The following SPTBN5 variants were observed in gnomAD, a reference collection of about 807,000 sequenced individuals.
SPTBN5 encodes spectrin beta, non-erythrocytic 5, also known as spectrin beta chain, non-erythrocytic 5.
SPTBN5 carries 513 observed loss-of-function variants against 477.6 expected under a neutral mutation model. The observed-to-expected ratio is 1.07, with a 90% CI of 1.00 to 1.16. The LOEUF (loss-of-function observed/expected upper bound fraction) is 1.16. Among genes scored for constraint, SPTBN5 ranks in the 50% most tolerant of loss-of-function variants. The probability of loss-of-function intolerance (pLI) is 0.00; values close to 1 mark genes in which losing one functional copy is unlikely to be tolerated. For missense variants in SPTBN5, 5,062 were observed against 4,731.8 expected (o/e 1.07, Z -2.05); for synonymous variants, 2,169 against 2,011.7 (o/e 1.08, Z -2.09).
chr15:41,893,017 G>A lies in SPTBN5; in HGVS notation c.261C>T (p.Gly87=). ...GCTCCAGCAGCCGCAGGAGGTGGAT[G>A]CCGTCAGCCAGCTCTGTGTACAGGT... ...IRNLYTELAD[G]IHLLRLLELI... is the part of the protein sequence containing the mutation. Residue 87 remains glycine (G), a synonymous_variant, in exon 3 of 68, where the codon GGC becomes GGT. Transcript: ENST00000320955. The A allele has an allele frequency of 1.2e-6, 2 of 1,611,244 alleles. No individual in the cohort carries two copies. The highest frequency in any genetic ancestry group is 1.7e-6 in the Non-Finnish European group (2 of 1,179,768).
rs199955809 is a variant in SPTBN5, at chr15:41,862,815, A to G, written c.7238T>C (p.Val2413Ala). 88 of 1,580,870 alleles carry G rather than the reference A, an allele frequency of 5.6e-5. No individual in the cohort carries two copies. In the African/African-American group the frequency reaches 1.1e-3, roughly 19 times the overall value. The change falls in exon 42 of 68, where the codon GTG becomes GCG. Residue 2413 changes from valine to alanine, a missense_variant. Physicochemically the swap from Val to Ala is moderately conservative, Grantham distance 64. Coordinates refer to ENST00000320955, the MANE Select transcript of SPTBN5 (RefSeq NM_016642.4). ...CTCCACCTGGGCCTGGATGGGGTGC[A>G]CTTCCCGCTCCAGCTCCTCGTGTTT... Reference protein sequence around the residue: ...LRKHEELEREVHPIQAQVESL... With the variant: ...LRKHEELEREAHPIQAQVESL...
chr15:41,884,785 C>T (rs534651054), intron 7 of SPTBN5, among the ~76,000 whole-genome samples: 1 of 152,184 alleles, frequency 6.6e-6, no homozygotes, highest in African/African-American at 2.4e-5. Flanking sequence ...GACCTCAGCT[C>T]CTGCCACTTG....
intron 56 of SPTBN5, 72 bp downstream of exon 56, chr15:41,854,710 G>T: frequency 3.0e-6 from 4 of 1,338,044 alleles, no homozygotes; most frequent in Non-Finnish European, 4.0e-6. Flanking sequence ...AAAGCCTGTG[G>T]TAAGGAGGGC....
In SPTBN5 at chr15:41,870,436, C is replaced by T. The variant is rs767544320; in HGVS notation, c.5562+10G>A. On this transcript the variant is annotated intron_variant, in intron 30 of 67. Transcript: ENST00000320955. ...GTGTATCCACTTCTAGCCACCCCTC[C>T]GGCTCACACCTGGACCTGGGTGAGG... 44 of 1,612,982 alleles carry T rather than the reference C, an allele frequency of 2.7e-5. No individual in the cohort carries two copies. Among genetic ancestry groups the T allele is most frequent in the African/African-American group, 2.5e-4 (19 of 74,878 alleles).
At chr15:41,849,046 G>A (rs534488217) in intron 67 of SPTBN5, among the ~76,000 whole-genome samples, 16 of 152,326 alleles carry the variant, frequency 1.1e-4, no homozygotes, top group Middle Eastern at 6.8e-3. Context: ...ACCCCTCATG[G>A]TATGAGCCCT....
chr15:41,868,429 G>A lies in SPTBN5; in HGVS notation c.6026C>T (p.Ala2009Val), dbSNP rs778016382. ...WQQATQLGQQ[A>V]LLAAGTPTKE... ...GGTGGGTGTCCCTGCAGCAAGAAGTGCCTGCTGCCCCAGCTGGGTGGCCTG... is the reference window on the plus strand; with the variant it reads ...GGTGGGTGTCCCTGCAGCAAGAAGTACCTGCTGCCCCAGCTGGGTGGCCTG... The change falls in exon 33 of 68, where the codon GCA becomes GTA. Residue 2009 changes from alanine (A) to valine (V), a missense_variant. Coordinates refer to ENST00000320955, the MANE Select transcript of SPTBN5 (RefSeq NM_016642.4). 5.0e-6 allele frequency: 8 copies of A among 1,606,002 alleles called. No homozygotes were observed. The highest frequency in any genetic ancestry group is 1.7e-5 in the Admixed American group (1 of 59,820).
At chr15:41,859,004 G>A in intron 47 of SPTBN5, 24 bp from the exon 48 acceptor site, 1 of 1,495,408 alleles carries the variant, frequency 6.7e-7, no homozygotes, top group Non-Finnish European at 8.9e-7. Flanking sequence ...AGGCTCATGG[G>A]CCTGGAGCCA....
At position 41,858,713 on chromosome 15, in the gene SPTBN5, G is replaced by A. The variant is rs778143163; in HGVS notation, c.8115C>T (p.Ala2705=). 3.7e-6 allele frequency: 6 copies of A among 1,609,928 alleles called. No individual in the cohort carries two copies. Among genetic ancestry groups the A allele is most frequent in the South Asian group, 1.1e-5 (1 of 90,106 alleles). The change falls in exon 49 of 68, where the codon GCC becomes GCT. Residue 2705 remains alanine (A), a synonymous_variant. Coordinates refer to ENST00000320955, the MANE Select transcript of SPTBN5 (RefSeq NM_016642.4). ...AAWLREKNLV[A]LEEGLLDTAM... Reference sequence around the variant, plus strand: ...CTGTGTCCAGCAAACCCTCCTCCAAGGCCACCAGGTTCTTCTCCCTCAGCC... The same window carrying A: ...CTGTGTCCAGCAAACCCTCCTCCAAAGCCACCAGGTTCTTCTCCCTCAGCC...
chr15:41,861,607 G>T, intron 45 of SPTBN5, 111 bp from the exon 46 acceptor site: 1 of 1,507,262 alleles, frequency 6.6e-7, no homozygotes, highest in Non-Finnish European at 9.1e-7. Flanking sequence ...GAAGGCAGGA[G>T]TGCTGAGTGG....
intron 13 of SPTBN5, among the ~76,000 whole-genome samples, chr15:41,880,706 G>A (rs904781251): frequency 2.4e-4 from 37 of 152,094 alleles, no homozygotes; most frequent in Admixed American, 2.4e-3. Flanking sequence ...CTGGGCCTTC[G>A]CTTCCTCCGC....
chr15:41,883,016 C>G lies in SPTBN5; in HGVS notation c.1872G>C (p.Leu624=), dbSNP rs1235724905. The change falls in exon 9 of 68, where the codon CTG becomes CTC. Residue 624 remains leucine, a synonymous_variant. Coordinates refer to ENST00000320955, the MANE Select transcript of SPTBN5 (RefSeq NM_016642.4). ...CTTACCGGGCCCTGACAAGAGCCAC[C>G]AGGCTCTGTTGGAGCTGGGCCAGTG... ...ARTLAQLQQS[L]VALVRARRAL... The G allele has an allele frequency of 1.9e-6, 3 of 1,548,438 alleles. No homozygotes were observed. The highest frequency in any genetic ancestry group is 2.4e-5 in the East Asian group (1 of 41,298).
At chr15:41,889,560 G>A (rs2067249449) in intron 4 of SPTBN5, among the ~76,000 whole-genome samples, 1 of 152,050 alleles carries the variant, frequency 6.6e-6, no homozygotes, top group Non-Finnish European at 1.5e-5. Flanking sequence ...TGGGACTACA[G>A]GCATGTGCCA....
Position 41,874,460 on chromosome 15 carries a change from C to T in SPTBN5, c.4521G>A (p.Gly1507=), listed in dbSNP as rs778644152. ...KHLRRLELLQ[G]HLAIRGLQLQ... is the part of the protein sequence containing the mutation. ...GCTGCAGGCCCCGGATGGCCAGATG[C>T]CCCTGCAGAAGCTCCAGCCTAGGAG... is the stretch of plus-strand genomic sequence containing the variant. Residue 1507 remains glycine, a synonymous_variant, in exon 24 of 68, where the codon GGG becomes GGA. Coordinates refer to ENST00000320955, the MANE Select transcript of SPTBN5 (RefSeq NM_016642.4). The T allele has an allele frequency of 1.9e-6, 3 of 1,609,364 alleles. No homozygotes were observed. The highest frequency in any genetic ancestry group is 1.7e-5 in the Admixed American group (1 of 59,254).
intron 5 of SPTBN5, among the ~76,000 whole-genome samples, 155 bp downstream of exon 5, chr15:41,887,773 A>G (rs982456370): frequency 6.6e-6 from 1 of 152,114 alleles, no homozygotes; most frequent in Non-Finnish European, 1.5e-5. Context: ...TTGTCTAGGG[A>G]AGGGAAAGGG....
At chr15:41,862,483 TG>T in intron 43 of SPTBN5, 55 bp downstream of exon 43, 1 of 1,562,446 alleles carries the variant, frequency 6.4e-7, no homozygotes, top group Non-Finnish European at 8.7e-7. Context: ...AGGGGAGGTG[TG>T]GGGACTGAGA....
rs776840137 is a variant in SPTBN5, at chr15:41,890,065, T to TG, written c.501+23dup. On this transcript the variant is annotated intron_variant, in intron 4 of 67. Transcript: ENST00000320955. ...AGGGCTGGGCTGGGTCACCAGGTGC[T>TG]GGGTACTGGGGACTGAGCCATACCT... 47 of 1,529,718 alleles carry TG rather than the reference T, an allele frequency of 3.1e-5. 1 individual carries two copies. The Admixed American group carries it at 7.7e-4, about 25-fold the overall frequency. 94.8% of individuals were successfully genotyped at this position (1,529,718 alleles called of 1,614,324 possible).
rs759448300 is a variant in SPTBN5, at chr15:41,868,162, C to T, written c.6114G>A (p.Trp2038Ter). 9 of 1,588,634 alleles carry T rather than the reference C, an allele frequency of 5.7e-6. No homozygotes were observed. Among genetic ancestry groups the T allele is most frequent in the Admixed American group, 3.6e-5 (2 of 56,204 alleles). Residue 2038 changes from tryptophan (W) to a stop codon, truncating the protein, a stop_gained, in exon 34 of 68, where the codon TGG becomes TGA. Coordinates refer to ENST00000320955, the MANE Select transcript of SPTBN5 (RefSeq NM_016642.4). LOFTEE classifies it high-confidence loss of function. Reference sequence around the variant, plus strand: ...CCTGCAGCCTCTCTTGCTTCCGTGCCCAGGTCTGATACACCTGGTCCCGCT... The same window carrying T: ...CCTGCAGCCTCTCTTGCTTCCGTGCTCAGGTCTGATACACCTGGTCCCGCT... ...QDQRDQVYQT[W>*]ARKQERLQAE...
At chr15:41,854,754 T>G in intron 56 of SPTBN5, 28 bp downstream of exon 56, 1 of 1,474,686 alleles carries the variant, frequency 6.8e-7, no homozygotes, top group Non-Finnish European at 9.0e-7. Context: ...TGACACCCCT[T>G]AGCTTGGCCC....
intron 41 of SPTBN5, among the ~76,000 whole-genome samples, chr15:41,863,204 G>A (rs796109699): frequency 8.5e-5 from 13 of 152,356 alleles, no homozygotes; most frequent in African/African-American, 3.1e-4. Context: ...GGACAGACAG[G>A]CCTGTGCCGT....
Sources: allele counts gnomAD v4.1 joint callset (sites outside exome capture counted in the v4.1 genomes callset), GRCh38; gene constraint gnomAD v4.1.1; transcripts MANE v1.5; gene names NCBI Gene and HGNC (gene_info 2026-07-23, HGNC 2026-07-21).